The following C1orf74 variants were observed in gnomAD, a reference collection of about 807,000 sequenced individuals.
C1orf74 encodes UPF0739 protein C1orf74.
In C1orf74, 5 loss-of-function variants were observed where a neutral mutation model predicts 7.3. That is an observed-to-expected ratio of 0.68 (90% confidence interval 0.36 to 1.44). The LOEUF (loss-of-function observed/expected upper bound fraction) is 1.44, where lower values mean the gene tolerates loss of function less well. C1orf74 is among the 40% of genes most tolerant of loss of function. C1orf74 has a pLI of 0.04. For missense variants in C1orf74, 291 were observed against 314.3 expected (o/e 0.93, Z 0.56); for synonymous variants, 121 against 132.5 (o/e 0.91, Z 0.59).
chr1:209,780,405 A>AGG lies in C1orf74; in HGVS notation c.*2419_*2420insCC. On this transcript the variant is annotated 3_prime_UTR_variant, in exon 2 of 2. Transcript: ENST00000294811. ...CCCTCTCCCCACTCCTAGTGGTTTC[A>AGG]CCCTCAGGGCCCTTCCTCAGAGGTG... 1 of 1,398,820 alleles carries AGG rather than the reference A, an allele frequency of 7.1e-7. No individual in the cohort carries two copies. Among genetic ancestry groups the AGG allele is most frequent in the Non-Finnish European group, 9.4e-7 (1 of 1,062,086 alleles). The allele number at this position is 1,398,820 out of a possible 1,614,324, so 86.7% of individuals were successfully genotyped here. A position where few individuals can be genotyped will look rare whatever the true frequency, so the allele number is the denominator to read the frequency against.
In C1orf74 at chr1:209,782,544, A is replaced by C. The variant is rs947747327; in HGVS notation, c.*281T>G. The C allele has an allele frequency of 2.0e-6, 1 of 502,636 alleles. No homozygotes were observed. The highest frequency in any genetic ancestry group is 1.9e-5 in the African/African-American group (1 of 52,022). 31.1% of individuals were successfully genotyped at this position (502,636 alleles called of 1,614,324 possible). A position where few individuals can be genotyped will look rare whatever the true frequency, so the allele number is the denominator to read the frequency against. On this transcript the variant is annotated 3_prime_UTR_variant, in exon 2 of 2. Transcript: ENST00000294811. ...TCTTCCATCACCCTGCTTTTCCTCT[A>C]TCATCTCCTTCCTTCTATCTTTTAT...
Position 209,779,334 on chromosome 1 carries a change from C to T in C1orf74, c.*3491G>A. 6.2e-7 allele frequency: 1 copy of T among 1,614,114 alleles called. No individual in the cohort carries two copies. The highest frequency in any genetic ancestry group is 8.5e-7 in the Non-Finnish European group (1 of 1,179,976). ...CAACAGGTTTGCTTCAAAATCAATC[C>T]TTACAGCTTCAAGAACAGGAGAAAC... is the stretch of plus-strand genomic sequence containing the variant. On this transcript the variant is annotated 3_prime_UTR_variant, in exon 2 of 2. Transcript: ENST00000294811.
In C1orf74 at chr1:209,780,825, C is replaced by T. The variant is rs2077761901; in HGVS notation, c.*2000G>A. ...ATTCAAGGTTTTATTAAATGATTAC[C>T]TTTTAGAAAGTCGACCAAAACTCAA... On this transcript the variant is annotated 3_prime_UTR_variant, in exon 2 of 2. Coordinates refer to ENST00000294811, the MANE Select transcript of C1orf74 (RefSeq NM_152485.4). 2 of 333,328 alleles carry T rather than the reference C, an allele frequency of 6.0e-6. No individual in the cohort carries two copies. Among genetic ancestry groups the T allele is most frequent in the Non-Finnish European group, 1.1e-5 (2 of 188,934 alleles). The allele number at this position is 333,328 out of a possible 1,614,324, so 20.6% of individuals were successfully genotyped here. A position where few individuals can be genotyped will look rare whatever the true frequency, so the allele number is the denominator to read the frequency against.
chr1:209,782,725 T>C lies in C1orf74; in HGVS notation c.*100A>G, dbSNP rs2077803954. ...ATCTACAGCATTGTGCCTTAGTGTA[T>C]TCAAGACACTTGGAATTGGCAGTTG... is the stretch of plus-strand genomic sequence containing the variant. On this transcript the variant is annotated 3_prime_UTR_variant, in exon 2 of 2. Coordinates refer to ENST00000294811, the MANE Select transcript of C1orf74 (RefSeq NM_152485.4). 3 of 1,247,848 alleles carry C rather than the reference T, an allele frequency of 2.4e-6. No individual in the cohort carries two copies. The highest frequency in any genetic ancestry group is 3.9e-5 in the Admixed American group (2 of 51,896). The allele number at this position is 1,247,848 out of a possible 1,614,324, so 77.3% of individuals were successfully genotyped here.
intron 1 of C1orf74, 53 bp from the exon 2 acceptor site, chr1:209,783,762 G>A (rs2077814224): frequency 5.2e-6 from 4 of 765,236 alleles, no homozygotes; most frequent in Admixed American, 5.9e-5. Context: ...GTTAAATCGC[G>A]GTATCTTCCA....
At position 209,780,524 on chromosome 1, in the gene C1orf74, A is replaced by C; in HGVS notation, c.*2301T>G. Reference sequence around the variant, plus strand: ...TCCTTCCCTAACGAAGTGGAGCCTGAGGGTACAGGGAAGGAGAAAGACTGG... The same window carrying C: ...TCCTTCCCTAACGAAGTGGAGCCTGCGGGTACAGGGAAGGAGAAAGACTGG... On this transcript the variant is annotated 3_prime_UTR_variant, in exon 2 of 2. Transcript: ENST00000294811. 2 of 1,603,580 alleles carry C rather than the reference A, an allele frequency of 1.2e-6. No homozygotes were observed.
At position 209,779,338 on chromosome 1, in the gene C1orf74, C is replaced by T. The variant is rs2077727163; in HGVS notation, c.*3487G>A. 1.9e-6 allele frequency: 3 copies of T among 1,614,146 alleles called. No homozygotes were observed. Among genetic ancestry groups the T allele is most frequent in the Non-Finnish European group, 2.5e-6 (3 of 1,179,982 alleles). On this transcript the variant is annotated 3_prime_UTR_variant, in exon 2 of 2. Coordinates refer to ENST00000294811, the MANE Select transcript of C1orf74 (RefSeq NM_152485.4). ...AGGTTTGCTTCAAAATCAATCCTTA[C>T]AGCTTCAAGAACAGGAGAAACTCTT...
At position 209,782,497 on chromosome 1, in the gene C1orf74, C is replaced by T. The variant is rs1388129875; in HGVS notation, c.*328G>A. 3 of 472,436 alleles carry T rather than the reference C, an allele frequency of 6.4e-6. No individual in the cohort carries two copies. Among genetic ancestry groups the T allele is most frequent in the Non-Finnish European group, 1.1e-5 (3 of 261,822 alleles). The allele number at this position is 472,436 out of a possible 1,614,324, so 29.3% of individuals were successfully genotyped here. ...TAGAGCAGGTATATTTACAAGGTTA[C>T]CATGCAAGAGTGTTTGGCTTGTCTT... On this transcript the variant is annotated 3_prime_UTR_variant, in exon 2 of 2. Transcript: ENST00000294811.
chr1:209,782,787 A>G lies in C1orf74; in HGVS notation c.*38T>C. On this transcript the variant is annotated 3_prime_UTR_variant, in exon 2 of 2. Coordinates refer to ENST00000294811, the MANE Select transcript of C1orf74 (RefSeq NM_152485.4). ...TGCCATCCCCAACCTAGAGATGATC[A>G]TTTACTGAGTACCTTCTATATGGGA... is the stretch of plus-strand genomic sequence containing the variant. The G allele has an allele frequency of 6.3e-7, 1 of 1,586,786 alleles. No homozygotes were observed. The highest frequency in any genetic ancestry group is 8.6e-7 in the Non-Finnish European group (1 of 1,161,880).
Position 209,780,232 on chromosome 1 carries a change from G to T in C1orf74, c.*2593C>A. On this transcript the variant is annotated 3_prime_UTR_variant, in exon 2 of 2. Transcript: ENST00000294811. ...AACTATCTAGCACTAGATAAGACTGGGGATACAAAGAAAAGATCCCAATCT... is the reference window on the plus strand; with the variant it reads ...AACTATCTAGCACTAGATAAGACTGTGGATACAAAGAAAAGATCCCAATCT... 9.5e-6 allele frequency: 3 copies of T among 317,004 alleles called. No homozygotes were observed. Among genetic ancestry groups the T allele is most frequent in the East Asian group, 1.0e-4 (2 of 19,372 alleles). The allele number at this position is 317,004 out of a possible 1,614,324, so 19.6% of individuals were successfully genotyped here. A position where few individuals can be genotyped will look rare whatever the true frequency, so the allele number is the denominator to read the frequency against.
intron 1 of C1orf74, among the ~76,000 whole-genome samples, chr1:209,784,151 T>TAC (rs2077817295): frequency 6.6e-6 from 1 of 152,156 alleles, no homozygotes; most frequent in Admixed American, 6.5e-5. Context: ...TTGATTAATA[T>TAC]ACACCAGAAT....
rs548613361 is a variant in C1orf74 at position 209,780,318 on chromosome 1, T to C, written c.*2507A>G. 21 of 624,700 alleles carry C rather than the reference T, an allele frequency of 3.4e-5. No individual in the cohort carries two copies. The South Asian group carries it at 9.5e-4, about 28-fold the overall frequency. 38.7% of individuals were successfully genotyped at this position (624,700 alleles called of 1,614,324 possible). On this transcript the variant is annotated 3_prime_UTR_variant, in exon 2 of 2. Coordinates refer to ENST00000294811, the MANE Select transcript of C1orf74 (RefSeq NM_152485.4). ...AAGCTTAGCAGGGGCCTACTGGAAGTTAACCTTTATGTCAGAGAATGCCAT... is the reference window on the plus strand; with the variant it reads ...AAGCTTAGCAGGGGCCTACTGGAAGCTAACCTTTATGTCAGAGAATGCCAT...
In C1orf74 at chr1:209,780,689, A is replaced by C; in HGVS notation, c.*2136T>G. The C allele has an allele frequency of 1.5e-6, 2 of 1,341,350 alleles. No homozygotes were observed. Among genetic ancestry groups the C allele is most frequent in the Non-Finnish European group, 2.0e-6 (2 of 1,015,556 alleles). The allele number at this position is 1,341,350 out of a possible 1,614,324, so 83.1% of individuals were successfully genotyped here. ...GAGGCAGTCAAAAAGCAGGGATTTC[A>C]AAGTTTAAGTTGTGAGTGGATAACC... On this transcript the variant is annotated 3_prime_UTR_variant, in exon 2 of 2. Transcript: ENST00000294811.
Position 209,781,396 on chromosome 1 carries a change from T to C in C1orf74, c.*1429A>G. ...CAACCTCAGTGACGAGTATCTCTCCTGCCTGCGTAAGCTGCAGCACTGTCG... is the reference window on the plus strand; with the variant it reads ...CAACCTCAGTGACGAGTATCTCTCCCGCCTGCGTAAGCTGCAGCACTGTCG... On this transcript the variant is annotated 3_prime_UTR_variant, in exon 2 of 2. Coordinates refer to ENST00000294811, the MANE Select transcript of C1orf74 (RefSeq NM_152485.4). The C allele has an allele frequency of 6.2e-7, 1 of 1,613,818 alleles. No individual in the cohort carries two copies. Among genetic ancestry groups the C allele is most frequent in the Non-Finnish European group, 8.5e-7 (1 of 1,179,772 alleles).
rs981825105 is a variant in C1orf74 at position 209,781,092 on chromosome 1, G to A, written c.*1733C>T. 5 of 239,890 alleles carry A rather than the reference G, an allele frequency of 2.1e-5. No homozygotes were observed. The highest frequency in any genetic ancestry group is 1.0e-4 in the East Asian group (1 of 9,832). The allele number at this position is 239,890 out of a possible 1,614,324, so 14.9% of individuals were successfully genotyped here. On this transcript the variant is annotated 3_prime_UTR_variant, in exon 2 of 2. Transcript: ENST00000294811. ...TCTCTCATTTGCAAAGCACTTGCAC[G>A]TAAAGTCATATAAAAGAACTTAAAT...
rs182448330 is a variant in C1orf74, at chr1:209,782,174, G to T, written c.*651C>A. 3.6e-5 allele frequency: 57 copies of T among 1,587,624 alleles called. No individual in the cohort carries two copies. In the East Asian group the frequency reaches 1.1e-3, roughly 30 times the overall value. On this transcript the variant is annotated 3_prime_UTR_variant, in exon 2 of 2. Coordinates refer to ENST00000294811, the MANE Select transcript of C1orf74 (RefSeq NM_152485.4). ...ATAATTTGTGACAACTGCCTTGGGT[G>T]AAAATCAGAAGCAAGCAACTCAGCG...
In C1orf74 at chr1:209,779,579, C is replaced by A; in HGVS notation, c.*3246G>T. ...AGCCTTCTATCTTGAGGTATATAAA[C>A]TGTGAAAAAGGGTTTCTATTCTCTC... is the stretch of plus-strand genomic sequence containing the variant. On this transcript the variant is annotated 3_prime_UTR_variant, in exon 2 of 2. Transcript: ENST00000294811. 1 of 686,892 alleles carries A rather than the reference C, an allele frequency of 1.5e-6. No individual in the cohort carries two copies. The highest frequency in any genetic ancestry group is 2.7e-5 in the East Asian group (1 of 36,932). 42.5% of individuals were successfully genotyped at this position (686,892 alleles called of 1,614,324 possible).
Position 209,782,050 on chromosome 1 carries a change from C to G in C1orf74, c.*775G>C, listed in dbSNP as rs749519656. The stretch of plus-strand genomic sequence containing the variant: ...CACTTTCTTCTGTCTCCCTGTCCCC[C>G]TACAGAGGCAATGTGGGCGATGGCT... On this transcript the variant is annotated 3_prime_UTR_variant, in exon 2 of 2. Coordinates refer to ENST00000294811, the MANE Select transcript of C1orf74 (RefSeq NM_152485.4). 1 of 1,613,064 alleles carries G rather than the reference C, an allele frequency of 6.2e-7. No individual in the cohort carries two copies. The highest frequency in any genetic ancestry group is 1.1e-5 in the South Asian group (1 of 91,050).
At position 209,784,404 on chromosome 1, in the gene C1orf74, TC is replaced by T. The variant is rs952395190; in HGVS notation, c.-103del. The T allele has an allele frequency of 2.0e-5, 3 of 152,236 alleles. No individual in the cohort carries two copies. Among genetic ancestry groups the T allele is most frequent in the Admixed American group, 2.0e-4 (3 of 15,288 alleles). 9.4% of individuals were successfully genotyped at this position (152,236 alleles called of 1,614,324 possible). ...TTCTTTTTCCACGTCCGCTACAGGT[TC>T]GGGGGCTCAGAAACTTTTTGCGGCT... On this transcript the variant is annotated 5_prime_UTR_variant, in exon 1 of 2. Coordinates refer to ENST00000294811, the MANE Select transcript of C1orf74 (RefSeq NM_152485.4).
Sources: allele counts gnomAD v4.1 joint callset (sites outside exome capture counted in the v4.1 genomes callset), GRCh38; gene constraint gnomAD v4.1.1; transcripts MANE v1.5; gene names NCBI Gene and HGNC (gene_info 2026-07-23, HGNC 2026-07-21).